VGLL4: variants seen among roughly 807,000 people sequenced by gnomAD.
The protein encoded by VGLL4 is transcription cofactor vestigial-like protein 4.
VGLL4 carries 7 observed loss-of-function variants against 21.0 expected under a neutral mutation model. That is an observed-to-expected ratio of 0.33 (90% confidence interval 0.19 to 0.63). The LOEUF is 0.63. Among genes scored for constraint, VGLL4 ranks in the 20% least tolerant of loss-of-function variants. The pLI is 0.78. For synonymous variants in VGLL4, 222 were observed against 173.2 expected, an observed-to-expected ratio of 1.28 and a Z score of -2.21; for missense variants, 394 against 425.7, an observed-to-expected ratio of 0.93 and a Z score of 0.66.
intron 2 of VGLL4, among the ~76,000 whole-genome samples, chr3:11,592,081 T>C (rs1049476898): frequency 6.6e-6 from 1 of 152,248 alleles, no homozygotes; most frequent in Admixed American, 6.5e-5. Flanking sequence ...GTTTAGACTA[T>C]GCCAAGGAGG....
At chr3:11,624,890 TAAAACCACCAC>T (rs1198388611) in intron 1 of VGLL4, among the ~76,000 whole-genome samples, 1 of 152,110 alleles carries the variant, frequency 6.6e-6, no homozygotes, top group African/African-American at 2.4e-5. Context: ...CGATTACATT[TAAAACCACCAC>T]AAAGCCACCA....
At chr3:11,665,410 G>A (rs751668568) in intron 2 of VGLL4, among the ~76,000 whole-genome samples, 1 of 152,144 alleles carries the variant, frequency 6.6e-6, no homozygotes, top group Non-Finnish European at 1.5e-5. Flanking sequence ...ACCGCGCCCG[G>A]CCAAACATCT....
chr3:11,618,880 T>C (rs2075213207), intron 1 of VGLL4, among the ~76,000 whole-genome samples: 1 of 152,256 alleles, frequency 6.6e-6, no homozygotes, highest in African/African-American at 2.4e-5. Context: ...TTTTCATTTC[T>C]ATTTCTTTCT....
intron 2 of VGLL4, among the ~76,000 whole-genome samples, chr3:11,678,092 C>T (rs991414246): frequency 1.7e-4 from 26 of 152,060 alleles, no homozygotes; most frequent in African/African-American, 3.9e-4. Context: ...CTCACTCTGT[C>T]GCCCAGGCTA....
At chr3:11,646,631 A>C (rs2125337235), upstream of VGLL4, among the ~76,000 whole-genome samples, 1 of 152,298 alleles carries the variant, frequency 6.6e-6, no homozygotes, top group East Asian at 1.9e-4. Flanking sequence ...TTTTAATAGT[A>C]ATTTAAGCAA....
chr3:11,678,947 G>A (rs928208984), intron 2 of VGLL4, among the ~76,000 whole-genome samples: 19 of 152,172 alleles, frequency 1.2e-4, no homozygotes, highest in African/African-American at 4.6e-4. Flanking sequence ...ATAATGTTGT[G>A]CAACGCCTTA....
At chr3:11,593,700 C>T (rs1035426434) in intron 2 of VGLL4, among the ~76,000 whole-genome samples, 1 of 152,210 alleles carries the variant, frequency 6.6e-6, no homozygotes, top group Non-Finnish European at 1.5e-5. Context: ...CTGGAATACA[C>T]ACTCAAGGGC....
chr3:11,603,231 T>C (rs1244760500), intron 1 of VGLL4, among the ~76,000 whole-genome samples: 1 of 152,208 alleles, frequency 6.6e-6, no homozygotes, highest in Non-Finnish European at 1.5e-5. Flanking sequence ...AAATAAAAAC[T>C]TGGCCAATTT....
intron 2 of VGLL4, among the ~76,000 whole-genome samples, chr3:11,689,081 G>A (rs941402334): frequency 2.0e-5 from 3 of 152,028 alleles, no homozygotes; most frequent in Non-Finnish European, 4.4e-5. Flanking sequence ...GGAGATACTG[G>A]TTAAAAAATA....
At chr3:11,593,830 G>A (rs2074566187) in intron 2 of VGLL4, among the ~76,000 whole-genome samples, 1 of 152,192 alleles carries the variant, frequency 6.6e-6, no homozygotes, top group Admixed American at 6.5e-5. Context: ...CATCAGCGAG[G>A]GGAGGCTGCG....
At chr3:11,587,238 A>G (rs1318514518) in intron 2 of VGLL4, among the ~76,000 whole-genome samples, 1 of 152,210 alleles carries the variant, frequency 6.6e-6, no homozygotes, top group Non-Finnish European at 1.5e-5. Flanking sequence ...CAATCCAGTG[A>G]TAAACTCAGC....
intron 2 of VGLL4, among the ~76,000 whole-genome samples, chr3:11,683,479 A>G (rs1315238838): frequency 1.3e-5 from 2 of 152,242 alleles, no homozygotes; most frequent in Non-Finnish European, 2.9e-5. Flanking sequence ...AGACACCTGC[A>G]TGTGTACATT....
intron 2 of VGLL4, among the ~76,000 whole-genome samples, chr3:11,674,878 C>T (rs1296692260): frequency 6.6e-6 from 1 of 152,120 alleles, no homozygotes; most frequent in African/African-American, 2.4e-5. Flanking sequence ...AGGAAAAAGA[C>T]ATGAGACTAA....
At chr3:11,612,465 T>A (rs2075081657) in intron 1 of VGLL4, 2 of 152,226 alleles carry the variant, frequency 1.3e-5, no homozygotes, top group Admixed American at 1.3e-4. Context: ...GATCTAGGTT[T>A]GAGGTTGGGT....
At chr3:11,607,573 T>C (rs2074973712) in intron 1 of VGLL4, among the ~76,000 whole-genome samples, 1 of 152,208 alleles carries the variant, frequency 6.6e-6, no homozygotes, top group East Asian at 1.9e-4. Flanking sequence ...AATGGGTGAA[T>C]TGTATAGTAT....
chr3:11,718,734 G>C (rs1226476389), intron 1 of VGLL4, among the ~76,000 whole-genome samples: 2 of 152,068 alleles, frequency 1.3e-5, no homozygotes, highest in Non-Finnish European at 2.9e-5. Context: ...CAAAGAGAGG[G>C]CAACCAGCTG....
chr3:11,601,044 C>T (rs2074782274), intron 2 of VGLL4, among the ~76,000 whole-genome samples: 2 of 152,148 alleles, frequency 1.3e-5, no homozygotes, highest in Admixed American at 1.3e-4. Context: ...AGAAGCCTCT[C>T]CCTCTGCGAG....
rs139326036 is a variant in VGLL4 at position 11,576,756 on chromosome 3, A to C, written c.273-11737T>G. Among the ~76,000 whole-genome samples the C allele has an allele frequency of 2.6e-5, 4 of 152,304 alleles. No homozygotes were observed. In the South Asian group the frequency reaches 6.2e-4, roughly 24 times the overall value. On this transcript the variant is annotated intron_variant, in intron 2 of 4. Coordinates refer to ENST00000430365, the MANE Select transcript of VGLL4 (RefSeq NM_001128219.3). ...TCAATCTGACTCTGAGCTCCGCTGG[A>C]AAGGCCTTTCCTGTGCTGGAAAAGT...
chr3:11,585,264 A>C (rs2074334680), intron 2 of VGLL4, among the ~76,000 whole-genome samples: 3 of 151,960 alleles, frequency 2.0e-5, no homozygotes, highest in African/African-American at 4.8e-5. Context: ...GGTGAAACCC[A>C]GTCTCTATTA....
Sources: allele counts gnomAD v4.1 joint callset (sites outside exome capture counted in the v4.1 genomes callset), GRCh38; gene constraint gnomAD v4.1.1; transcripts MANE v1.5; gene names NCBI Gene and HGNC (gene_info 2026-07-23, HGNC 2026-07-21).